TMEFF2: variants seen among roughly 807,000 people sequenced by gnomAD.
TMEFF2 encodes transmembrane protein with EGF like and two follistatin like domains 2.
A neutral mutation model predicts 53.8 loss-of-function variants in TMEFF2; 28 were observed. That is an observed-to-expected ratio of 0.52 (90% CI 0.39 to 0.71). The LOEUF is 0.71. Ranked by LOEUF, TMEFF2 falls within the 30% of genes least tolerant of loss-of-function variation. The pLI is 0.00. For missense variants in TMEFF2, 353 were observed against 455.2 expected, an observed-to-expected ratio of 0.78 and a Z score of 2.04; for synonymous variants, 162 against 166.3, an observed-to-expected ratio of 0.97 and a Z score of 0.20.
intron 5 of TMEFF2, among the ~76,000 whole-genome samples, chr2:192,038,992 C>T (rs1213504179): frequency 6.6e-6 from 1 of 152,140 alleles, no homozygotes; most frequent in Non-Finnish European, 1.5e-5. Flanking sequence ...GGCCCTCATG[C>T]ACTCTACTTT....
At chr2:191,952,095 C>A (rs1157089815) in intron 9 of TMEFF2, among the ~76,000 whole-genome samples, 1 of 152,176 alleles carries the variant, frequency 6.6e-6, no homozygotes, top group East Asian at 1.9e-4. Context: ...AATTTGCCAA[C>A]TTCTACCTCA....
At chr2:192,036,037 G>A (rs1440680115) in intron 5 of TMEFF2, 5 of 152,186 alleles carry the variant, frequency 3.3e-5, no homozygotes, top group Admixed American at 3.3e-4. Flanking sequence ...GTGAAAGCAC[G>A]TTGTAGACTC....
intron 4 of TMEFF2, among the ~76,000 whole-genome samples, chr2:192,148,175 A>G (rs142271618): frequency 9.2e-4 from 140 of 152,154 alleles, no homozygotes; most frequent in African/African-American, 3.1e-3. Context: ...TTTCCTCAGC[A>G]GTGATACACT....
intron 4 of TMEFF2, among the ~76,000 whole-genome samples, chr2:192,082,758 A>G (rs74784125): frequency 0.033 from 5,060 of 151,956 alleles, 267 homozygotes; most frequent in African/African-American, 0.12. Context: ...ATTTTGGTGC[A>G]TTTCCCCAAA....
intron 4 of TMEFF2, among the ~76,000 whole-genome samples, chr2:192,166,196 A>T (rs1228622508): frequency 6.6e-6 from 1 of 152,068 alleles, no homozygotes; most frequent in Non-Finnish European, 1.5e-5. Context: ...AAGCATTGAC[A>T]TTGTTTGTCT....
chr2:192,143,576 GTATT>G (rs1331314918), intron 4 of TMEFF2, among the ~76,000 whole-genome samples: 1 of 151,978 alleles, frequency 6.6e-6, no homozygotes, highest in Admixed American at 6.6e-5. Context: ...TGCAAATTTG[GTATT>G]TATTCATTTT....
chr2:192,095,184 T>C (rs1688875794), intron 4 of TMEFF2, among the ~76,000 whole-genome samples: 1 of 152,170 alleles, frequency 6.6e-6, no homozygotes, highest in Non-Finnish European at 1.5e-5. Context: ...ATTAGGCTTC[T>C]TCCTTTAGAG....
At chr2:192,141,848 C>A (rs139879691) in intron 4 of TMEFF2, among the ~76,000 whole-genome samples, 86 of 152,270 alleles carry the variant, frequency 5.6e-4, no homozygotes, top group African/African-American at 1.9e-3. Context: ...GTATTTATTA[C>A]AAACTGTCTA....
chr2:192,149,987 C>A (rs1690345580), intron 4 of TMEFF2, among the ~76,000 whole-genome samples: 1 of 151,886 alleles, frequency 6.6e-6, no homozygotes, highest in Non-Finnish European at 1.5e-5. Context: ...CATTATACAG[C>A]AATTCTTTGT....
chr2:191,976,824 T>C (rs751246178), intron 7 of TMEFF2, among the ~76,000 whole-genome samples: 51 of 152,186 alleles, frequency 3.4e-4, no homozygotes, highest in Non-Finnish European at 6.8e-4. Context: ...CTATACACAC[T>C]TATGAAGTAA....
chr2:192,061,635 T>G (rs1274130790), intron 4 of TMEFF2, among the ~76,000 whole-genome samples: 1 of 152,180 alleles, frequency 6.6e-6, no homozygotes, highest in African/African-American at 2.4e-5. Flanking sequence ...GTACCTGATA[T>G]GGTTTGGATG....
chr2:192,081,677 G>T (rs1688555376), intron 4 of TMEFF2, among the ~76,000 whole-genome samples: 2 of 151,956 alleles, frequency 1.3e-5, no homozygotes, highest in South Asian at 4.1e-4. Flanking sequence ...TACCATATGG[G>T]CATATTACAT....
intron 7 of TMEFF2, among the ~76,000 whole-genome samples, chr2:191,978,491 T>G (rs1685782014): frequency 6.6e-6 from 1 of 152,194 alleles, no homozygotes; most frequent in Admixed American, 6.5e-5. Context: ...TTGATCTATC[T>G]GAAGACCACC....
intron 4 of TMEFF2, among the ~76,000 whole-genome samples, chr2:192,071,462 C>A (rs1688290561): frequency 6.6e-6 from 1 of 151,740 alleles, no homozygotes; most frequent in Non-Finnish European, 1.5e-5. Flanking sequence ...ATATTACAGA[C>A]CTAATACCTT....
chr2:192,194,221 T>G lies in TMEFF2; in HGVS notation c.172+132A>C. On this transcript the variant is annotated intron_variant, in intron 1 of 9. Coordinates refer to ENST00000272771, the MANE Select transcript of TMEFF2 (RefSeq NM_016192.4). The surrounding 1 kb of genome is among the most constrained non-coding windows in gnomAD (Gnocchi z 4.2). The stretch of plus-strand genomic sequence containing the variant: ...TTCCCCTTGTTTCTCTGGATAGAGG[T>G]GGGTGGTATTAGGGGTCTAGGGCAG... 9.8e-7 allele frequency: 1 copy of G among 1,023,892 alleles called. No homozygotes were observed. Among genetic ancestry groups the G allele is most frequent in the Non-Finnish European group, 1.5e-6 (1 of 689,220 alleles). 63.4% of individuals were successfully genotyped at this position (1,023,892 alleles called of 1,614,324 possible).
At chr2:192,156,872 T>C (rs1690518040) in intron 4 of TMEFF2, among the ~76,000 whole-genome samples, 1 of 152,038 alleles carries the variant, frequency 6.6e-6, no homozygotes, top group Non-Finnish European at 1.5e-5. Context: ...TCTAAACTGT[T>C]CCTTTTAGAG....
intron 4 of TMEFF2, among the ~76,000 whole-genome samples, chr2:192,164,514 G>C (rs1690707640): frequency 1.3e-5 from 2 of 152,092 alleles, no homozygotes; most frequent in Non-Finnish European, 1.5e-5. Flanking sequence ...TGGATCACGA[G>C]GTCAGGAGAT....
intron 4 of TMEFF2, among the ~76,000 whole-genome samples, chr2:192,121,591 A>C (rs1689554959): frequency 1.3e-5 from 2 of 152,186 alleles, no homozygotes; most frequent in Admixed American, 1.3e-4. Flanking sequence ...TCAGTTGGTC[A>C]TGGCTGGGCC....
At chr2:192,040,709 G>C (rs754689945) in intron 5 of TMEFF2, among the ~76,000 whole-genome samples, 3 of 152,096 alleles carry the variant, frequency 2.0e-5, no homozygotes, top group Non-Finnish European at 4.4e-5. Context: ...AAACCTTATA[G>C]AGCAACACCC....
Sources: gnomAD v4.1 joint callset for allele counts (sites outside exome capture counted in the v4.1 genomes callset) on GRCh38, gnomAD v4.1.1 for gene constraint, Gnocchi (gnomAD v3.1) non-coding constraint, MANE v1.5 for transcripts, NCBI Gene and HGNC (gene_info 2026-07-23, HGNC 2026-07-21) for gene names.